The following GLRA2 variants were observed in gnomAD, a reference collection of about 807,000 sequenced individuals.
GLRA2 encodes the protein glycine receptor alpha 2.
In GLRA2, 11 loss-of-function variants were observed where a neutral mutation model predicts 31.6. The observed-to-expected ratio is 0.35, with a 90% CI of 0.22 to 0.58. The LOEUF (loss-of-function observed/expected upper bound fraction) is 0.58, where lower values mean the gene tolerates loss of function less well. GLRA2 is among the 20% of genes least tolerant of loss of function. The pLI is 0.84. For missense variants in GLRA2, 212 were observed against 351.8 expected (o/e 0.60, Z 3.18); for synonymous variants, 132 against 134.0 (o/e 0.99, Z 0.10).
intron 4 of GLRA2, among the ~76,000 whole-genome samples, chrX:14,598,139 C>T (rs2090228846): frequency 9.0e-6 from 1 of 111,461 alleles, no homozygotes; most frequent in South Asian, 3.8e-4. Context: ...AACAGCAATA[C>T]CCCCAAGACT....
intron 7 of GLRA2, among the ~76,000 whole-genome samples, chrX:14,636,063 A>G (rs1314195991): frequency 8.9e-6 from 1 of 112,102 alleles, no homozygotes; most frequent in Non-Finnish European, 1.9e-5. Flanking sequence ...GTAAAGTAGT[A>G]TTGAATTATT....
intron 7 of GLRA2, among the ~76,000 whole-genome samples, chrX:14,661,723 A>G (rs1182703033): frequency 9.2e-6 from 1 of 108,674 alleles, no homozygotes; most frequent in Non-Finnish European, 1.9e-5. Context: ...AATATGAACA[A>G]TTAGCTGGGT....
intron 7 of GLRA2, among the ~76,000 whole-genome samples, chrX:14,681,361 C>T (rs2091199684): frequency 9.0e-6 from 1 of 110,771 alleles, no homozygotes; most frequent in African/African-American, 3.3e-5. Flanking sequence ...TGCTTTCTTC[C>T]TTCCTTCCTT....
chrX:14,619,829 G>A (rs1257417998), intron 7 of GLRA2, among the ~76,000 whole-genome samples: 1 of 110,156 alleles, frequency 9.1e-6, no homozygotes, highest in African/African-American at 3.3e-5. Flanking sequence ...TCTTTATCTG[G>A]CTTGCTCCCT....
At chrX:14,541,539 G>A (rs2089403749) in intron 2 of GLRA2, among the ~76,000 whole-genome samples, 1 of 111,720 alleles carries the variant, frequency 9.0e-6, no homozygotes, top group African/African-American at 3.2e-5. Context: ...AATACTTCAA[G>A]ATGTTGATTT....
At chrX:14,528,421 C>T, upstream of GLRA2, among the ~76,000 whole-genome samples, 1 of 112,054 alleles carries the variant, frequency 8.9e-6, no homozygotes, top group African/African-American at 3.2e-5. Flanking sequence ...CAGTAAAGCA[C>T]ATAGGTGACT....
At chrX:14,558,716 TG>T (rs746677437) in intron 2 of GLRA2, among the ~76,000 whole-genome samples, 2 of 112,119 alleles carry the variant, frequency 1.8e-5, no homozygotes, top group Non-Finnish European at 3.8e-5. Context: ...TATCCTTGTG[TG>T]GGAGCAGTTG....
intron 7 of GLRA2, among the ~76,000 whole-genome samples, chrX:14,631,186 T>C (rs1261946314): frequency 8.9e-6 from 1 of 111,947 alleles, no homozygotes; most frequent in Non-Finnish European, 1.9e-5. Flanking sequence ...TAATTTGCTG[T>C]TAATCTCAAT....
At chrX:14,728,572 T>A (rs1019504336) in intron 8 of GLRA2, among the ~76,000 whole-genome samples, 1 of 111,990 alleles carries the variant, frequency 8.9e-6, no homozygotes, top group African/African-American at 3.3e-5. Flanking sequence ...TCACACTTGC[T>A]ATCTCTCCAG....
chrX:14,568,270 A>C (rs1300717312), intron 2 of GLRA2, among the ~76,000 whole-genome samples: 1 of 112,530 alleles, frequency 8.9e-6, no homozygotes, highest in African/African-American at 3.2e-5. Context: ...TACTGGCATA[A>C]GGATAAATAT....
rs144456402 is a variant in GLRA2 at position 14,710,316 on chromosome X, G to A, written c.1080+19457G>A. Among the ~76,000 whole-genome samples the A allele has an allele frequency of 1.1e-3, 118 of 112,076 alleles. No homozygotes were observed. The Middle Eastern group carries it at 0.037, about 35-fold the overall frequency. ...AGAAATTGAGCAGTAAGAGGGAAGAGGGGAAAGAAAGCAGTGGCTATCTGG... is the reference window on the plus strand; with the variant it reads ...AGAAATTGAGCAGTAAGAGGGAAGAAGGGAAAGAAAGCAGTGGCTATCTGG... On this transcript the variant is annotated intron_variant, in intron 8 of 8. Transcript: ENST00000218075.
intron 7 of GLRA2, among the ~76,000 whole-genome samples, chrX:14,624,896 G>C (rs980350150): frequency 9.0e-6 from 1 of 111,202 alleles, no homozygotes; most frequent in East Asian, 2.8e-4. Context: ...TTCAAGTCCT[G>C]GATATCCTTG....
At position 14,532,383 on chromosome X, in the gene GLRA2, C is replaced by T; in HGVS notation, c.202+11C>T. On this transcript the variant is annotated intron_variant, in intron 2 of 8. Transcript: ENST00000218075. ...GGCCAAATTTTAAAGGTAGGTTCCA[C>T]TTAAACTTACGTTAAGCCTTTGAGA... 4.4e-6 allele frequency: 5 copies of T among 1,128,694 alleles called. No individual in the cohort carries two copies. The highest frequency in any genetic ancestry group is 6.0e-6 in the Non-Finnish European group (5 of 836,880). 93.0% of individuals were successfully genotyped at this position (1,128,694 alleles called of 1,213,427 possible).
At chrX:14,603,296 G>C (rs771738606) in intron 4 of GLRA2, among the ~76,000 whole-genome samples, 1 of 111,177 alleles carries the variant, frequency 9.0e-6, no homozygotes, top group Non-Finnish European at 1.9e-5. Flanking sequence ...TTGCTAATTT[G>C]TTTGAGTTTA....
chrX:14,481,773 G>A, the GLRA2 span, among the ~76,000 whole-genome samples: 1 of 109,033 alleles, frequency 9.2e-6, no homozygotes, highest in Non-Finnish European at 1.9e-5. Context: ...TACAATGTAT[G>A]GTAATACAAA....
rs576849799 is a variant in GLRA2, at chrX:14,675,695, A to G, written c.931-15015A>G. 4.5e-5 allele frequency among the ~76,000 whole-genome samples: 5 copies of G among 112,033 alleles called. No homozygotes were observed. In the South Asian group the frequency reaches 1.9e-3, roughly 42 times the overall value. On this transcript the variant is annotated intron_variant, in intron 7 of 8. Coordinates refer to ENST00000218075, the MANE Select transcript of GLRA2 (RefSeq NM_002063.4). ...TCTGCCAAGGAAATCTGATTTCCCC[A>G]GCATTAAATGGCAGGTGTGAGCTCC...
chrX:14,660,304 G>A (rs1389921291), intron 7 of GLRA2, among the ~76,000 whole-genome samples: 1 of 111,612 alleles, frequency 9.0e-6, no homozygotes, highest in Non-Finnish European at 1.9e-5. Context: ...AACATTCCAG[G>A]CAGAGGAAAC....
chrX:14,488,943 T>G, the GLRA2 span, among the ~76,000 whole-genome samples: 29 of 111,976 alleles, frequency 2.6e-4, no homozygotes, highest in African/African-American at 9.1e-4. Context: ...GTGATATAAT[T>G]CATTGCCTAA....
chrX:14,516,041 C>T, the GLRA2 span, among the ~76,000 whole-genome samples: 2 of 111,786 alleles, frequency 1.8e-5, no homozygotes, highest in Non-Finnish European at 3.8e-5. Flanking sequence ...ATGATGTTTT[C>T]CCTTGTTCAC....
Sources: allele counts gnomAD v4.1 joint callset (sites outside exome capture counted in the v4.1 genomes callset), GRCh38; gene constraint gnomAD v4.1.1; transcripts MANE v1.5; gene names NCBI Gene and HGNC (gene_info 2026-07-23, HGNC 2026-07-21).